The following LTBP1 variants were observed in gnomAD, a reference collection of about 807,000 sequenced individuals.
LTBP1 encodes the protein latent-transforming growth factor beta-binding protein 1.
LTBP1 carries 129 observed loss-of-function variants against 207.6 expected under a neutral mutation model. The observed-to-expected ratio is 0.62, with a 90% confidence interval of 0.54 to 0.72. LTBP1 has a LOEUF of 0.72. Ranked by LOEUF, LTBP1 falls within the 30% of genes least tolerant of loss-of-function variation. LTBP1 has a pLI of 0.00. For synonymous variants in LTBP1, 963 were observed against 833.7 expected (o/e 1.16, Z -2.67); for missense variants, 2,281 against 2,217.2 (o/e 1.03, Z -0.58).
At chr2:33,369,727 C>CA (rs1174739117) in intron 31 of LTBP1, among the ~76,000 whole-genome samples, 9 of 152,128 alleles carry the variant, frequency 5.9e-5, no homozygotes, top group African/African-American at 2.2e-4. Context: ...ATTTGGTAGA[C>CA]ACAGGGGAAC....
At chr2:33,033,605 A>C (rs2075784159) in intron 3 of LTBP1, among the ~76,000 whole-genome samples, 1 of 150,958 alleles carries the variant, frequency 6.6e-6, no homozygotes, top group Non-Finnish European at 1.5e-5. Flanking sequence ...TGGTGGGGGA[A>C]AAAAGGGACT....
intron 4 of LTBP1, among the ~76,000 whole-genome samples, chr2:33,112,485 A>G (rs1187988440): frequency 2.0e-5 from 3 of 152,198 alleles, no homozygotes; most frequent in African/African-American, 7.2e-5. Flanking sequence ...ACTAATATAC[A>G]TTATCACAGT....
intron 4 of LTBP1, among the ~76,000 whole-genome samples, chr2:33,131,041 G>T (rs115141524): frequency 0.019 from 2,933 of 152,154 alleles, 93 homozygotes; most frequent in African/African-American, 0.067. Context: ...CCTCTGGTTA[G>T]TCCTGAGCTT....
intron 5 of LTBP1, among the ~76,000 whole-genome samples, chr2:33,180,220 A>G (rs1278629653): frequency 6.6e-6 from 1 of 152,190 alleles, no homozygotes; most frequent in Non-Finnish European, 1.5e-5. Context: ...CAAGAATTGA[A>G]GATAGGCAGT....
At chr2:33,346,017 A>C (rs1013693910) in intron 25 of LTBP1, among the ~76,000 whole-genome samples, 4 of 152,226 alleles carry the variant, frequency 2.6e-5, no homozygotes, top group African/African-American at 9.6e-5. Flanking sequence ...ATGTTGAATA[A>C]AGTGTACTTG....
intron 2 of LTBP1, among the ~76,000 whole-genome samples, chr2:32,959,549 A>ATGTGTGTGTGTGTGTGTGTG (rs10649487): frequency 8.0e-6 from 1 of 125,348 alleles, no homozygotes; most frequent in Non-Finnish European, 1.6e-5. Context: ...CTGTATATAT[A>ATGTGTGTGTGTGTGTGTGTG]TGTGTGTGTG....
At chr2:33,353,465 C>A (rs1425531300) in intron 26 of LTBP1, among the ~76,000 whole-genome samples, 1 of 152,224 alleles carries the variant, frequency 6.6e-6, no homozygotes, top group African/African-American at 2.4e-5. Flanking sequence ...CACTGCAAAA[C>A]AGCTCACTGC....
intron 3 of LTBP1, among the ~76,000 whole-genome samples, chr2:33,091,402 GAAGCAACT>G (rs942599261): frequency 1.3e-5 from 2 of 152,128 alleles, no homozygotes; most frequent in African/African-American, 4.8e-5. Flanking sequence ...TTTTAATGAT[GAAGCAACT>G]AAGCCAAAGA....
chr2:33,001,625 C>T (rs960690332), intron 2 of LTBP1, among the ~76,000 whole-genome samples: 1 of 134,676 alleles, frequency 7.4e-6, no homozygotes, highest in Non-Finnish European at 1.6e-5. Flanking sequence ...TCCTGCTCTG[C>T]ACTAATTAGG....
intron 5 of LTBP1, among the ~76,000 whole-genome samples, chr2:33,154,616 A>T (rs182823269): frequency 2.6e-5 from 4 of 152,152 alleles, no homozygotes; most frequent in African/African-American, 9.7e-5. Context: ...TGACCTTTCT[A>T]CTTTTGCTGT....
rs2094249301 is a variant in LTBP1, at chr2:33,315,143, G to T, written c.3605-1G>T. 2.5e-6 allele frequency: 4 copies of T among 1,593,646 alleles called. No individual in the cohort carries two copies. Among genetic ancestry groups the T allele is most frequent in the Non-Finnish European group, 3.4e-6 (4 of 1,175,146 alleles). Reference sequence around the variant, plus strand: ...TTTTAAGACTCTATTTTAAATTACAGATATTAATGAATGTGAACATCCAGG... The same window carrying T: ...TTTTAAGACTCTATTTTAAATTACATATATTAATGAATGTGAACATCCAGG... On this transcript the variant is annotated splice_acceptor_variant, in intron 23 of 33. Coordinates refer to ENST00000404816, the MANE Select transcript of LTBP1 (RefSeq NM_206943.4). LOFTEE classifies it high-confidence loss of function.
intron 17 of LTBP1, 78 bp from the exon 18 acceptor site, chr2:33,275,723 G>T: frequency 6.6e-7 from 1 of 1,519,126 alleles, no homozygotes; most frequent in Non-Finnish European, 9.1e-7. Context: ...TATTATATTT[G>T]AGCTAAGCTG....
intron 2 of LTBP1, among the ~76,000 whole-genome samples, chr2:32,996,766 T>C (rs749132828): frequency 1.3e-5 from 2 of 152,176 alleles, no homozygotes; most frequent in Non-Finnish European, 2.9e-5. Flanking sequence ...TAGTCCAAGG[T>C]TGACTGTCTA....
At chr2:33,249,660 T>C (rs931545517) in intron 10 of LTBP1, among the ~76,000 whole-genome samples, 30 of 152,188 alleles carry the variant, frequency 2.0e-4, no homozygotes, top group Admixed American at 1.8e-3. Context: ...AGCAAAAAAA[T>C]TACTTTCCTG....
At chr2:33,252,538 G>C in intron 10 of LTBP1, 139 bp from the exon 11 acceptor site, 1 of 758,148 alleles carries the variant, frequency 1.3e-6, no homozygotes, top group East Asian at 2.7e-5. Context: ...CTTCAAGAAA[G>C]GTGATGCTCT....
chr2:33,228,819 C>G (rs930682695), intron 9 of LTBP1, among the ~76,000 whole-genome samples: 1 of 150,894 alleles, frequency 6.6e-6, no homozygotes, highest in Non-Finnish European at 1.5e-5. Flanking sequence ...CCTGCCTCGG[C>G]CTCCCAAGTA....
intron 20 of LTBP1, among the ~76,000 whole-genome samples, chr2:33,296,430 T>C (rs1212846493): frequency 6.6e-6 from 1 of 152,136 alleles, no homozygotes; most frequent in Non-Finnish European, 1.5e-5. Flanking sequence ...GCCTTTCATA[T>C]TCATCTTCTT....
At chr2:33,233,417 A>C (rs189205422) in intron 9 of LTBP1, among the ~76,000 whole-genome samples, 55 of 152,248 alleles carry the variant, frequency 3.6e-4, no homozygotes, top group African/African-American at 1.3e-3. Flanking sequence ...TTAAGTATTC[A>C]TTTAACTGGT....
chr2:32,953,883 G>A (rs1256782898), intron 2 of LTBP1, among the ~76,000 whole-genome samples: 2 of 152,150 alleles, frequency 1.3e-5, no homozygotes, highest in African/African-American at 4.8e-5. Context: ...GTCCTTCCTA[G>A]CAATGAACAG....
Sources: allele counts gnomAD v4.1 joint callset (sites outside exome capture counted in the v4.1 genomes callset), GRCh38; gene constraint gnomAD v4.1.1; transcripts MANE v1.5; gene names NCBI Gene and HGNC (gene_info 2026-07-23, HGNC 2026-07-21).